Variants in KDM4D observed in about 807,000 individuals in gnomAD.
KDM4D encodes the protein lysine-specific demethylase 4D.
For missense variants in KDM4D, 427 were observed against 674.8 expected, an observed-to-expected ratio of 0.63 and a Z score of 4.07; for synonymous variants, 254 against 249.1, an observed-to-expected ratio of 1.02 and a Z score of -0.19.
chr11:94,980,841 A>G (rs1857836643), intron 2 of KDM4D, among the ~76,000 whole-genome samples: 1 of 152,136 alleles, frequency 6.6e-6, no homozygotes. Flanking sequence ...ATTTTGTCAC[A>G]TGTACAATCA....
At position 94,997,836 on chromosome 11, in the gene KDM4D, G is replaced by C; in HGVS notation, c.464G>C (p.Gly155Ala). The stretch of plus-strand genomic sequence containing the variant: ...GAAAACACTAAACAATGGAATCTTG[G>C]GCACCTGGGAACAATTCAGGACCTG... The part of the protein sequence containing the change: ...FDENTKQWNL[G>A]HLGTIQDLLE... Residue 155 changes from glycine (G) to alanine (A), a missense_variant, in exon 3 of 3, where the codon GGG (glycine) becomes GCG (alanine). By Grantham distance (60) the Gly-to-Ala change is moderately conservative. Coordinates refer to ENST00000335080, the MANE Select transcript of KDM4D (RefSeq NM_018039.3). 1 of 1,614,232 alleles carries C rather than the reference G, an allele frequency of 6.2e-7. No individual in the cohort carries two copies. The highest frequency in any genetic ancestry group is 1.3e-5 in the African/African-American group (1 of 75,048).
intron 2 of KDM4D, among the ~76,000 whole-genome samples, chr11:94,996,482 T>C (rs1204949168): frequency 2.0e-5 from 3 of 152,240 alleles, no homozygotes; most frequent in Non-Finnish European, 4.4e-5. Flanking sequence ...CTTTTCATCT[T>C]TATATAAATG....
At chr11:94,992,168 T>C (rs1176627895) in intron 2 of KDM4D, among the ~76,000 whole-genome samples, 1 of 151,782 alleles carries the variant, frequency 6.6e-6, no homozygotes, top group Admixed American at 6.6e-5. Context: ...TTTCTAAACA[T>C]GAAAAACATG....
At chr11:94,983,302 A>G (rs76132323) in intron 2 of KDM4D, among the ~76,000 whole-genome samples, 2,037 of 152,104 alleles carry the variant, frequency 0.013, 45 homozygotes, top group African/African-American at 0.045. Flanking sequence ...GTTTCTTACA[A>G]TAACACACAG....
intron 2 of KDM4D, among the ~76,000 whole-genome samples, chr11:94,979,650 A>T (rs1245585242): frequency 1.3e-5 from 2 of 152,188 alleles, no homozygotes; most frequent in Non-Finnish European, 2.9e-5. Context: ...CCTCCCACTT[A>T]ATGTGTGCTA....
At chr11:94,989,357 G>A (rs1167001026) in intron 2 of KDM4D, among the ~76,000 whole-genome samples, 1 of 152,172 alleles carries the variant, frequency 6.6e-6, no homozygotes, top group Non-Finnish European at 1.5e-5. Flanking sequence ...GGAGTGGTGT[G>A]TCCTTGTAGA....
intron 2 of KDM4D, among the ~76,000 whole-genome samples, chr11:94,989,600 C>T (rs938651908): frequency 1.3e-5 from 2 of 152,154 alleles, no homozygotes; most frequent in African/African-American, 2.4e-5. Flanking sequence ...GCTGTCCATG[C>T]CTGATACTTG....
At chr11:94,980,040 T>C (rs2134109238) in intron 2 of KDM4D, among the ~76,000 whole-genome samples, 1 of 152,340 alleles carries the variant, frequency 6.6e-6, no homozygotes, top group Admixed American at 6.5e-5. Flanking sequence ...GAATCATCTT[T>C]TCTTTATGGA....
chr11:94,976,311 A>T (rs782147645), intron 2 of KDM4D, among the ~76,000 whole-genome samples: 1 of 152,156 alleles, frequency 6.6e-6, no homozygotes, highest in Non-Finnish European at 1.5e-5. Flanking sequence ...TCAAGTCTAC[A>T]TGCCTCTTTC....
rs1470882610 is a variant in KDM4D at position 94,975,725 on chromosome 11, T to G, written c.-373T>G. On this transcript the variant is annotated 5_prime_UTR_variant, in exon 2 of 3. Transcript: ENST00000335080. ...GGTGTATCCTCTGCATATAGAACAGTGCCTGGCACATAATAGGTGCTGAGT... is the reference window on the plus strand; with the variant it reads ...GGTGTATCCTCTGCATATAGAACAGGGCCTGGCACATAATAGGTGCTGAGT... 1 of 152,150 alleles carries G rather than the reference T, an allele frequency of 6.6e-6. No individual in the cohort carries two copies. Among genetic ancestry groups the G allele is most frequent in the Non-Finnish European group, 1.5e-5 (1 of 68,034 alleles). 9.4% of individuals were successfully genotyped at this position (152,150 alleles called of 1,614,324 possible).
intron 2 of KDM4D, among the ~76,000 whole-genome samples, chr11:94,990,695 T>C (rs587741338): frequency 3.9e-5 from 6 of 152,300 alleles, no homozygotes; most frequent in Admixed American, 6.5e-5. Flanking sequence ...TGTAAACTGA[T>C]TTATCAAACA....
At chr11:94,980,518 C>T (rs1253132404) in intron 2 of KDM4D, among the ~76,000 whole-genome samples, 5 of 152,126 alleles carry the variant, frequency 3.3e-5, no homozygotes, top group Non-Finnish European at 5.9e-5. Context: ...GACATTTTTA[C>T]AATACTAAGT....
At chr11:94,985,717 A>G (rs1307516463) in intron 2 of KDM4D, among the ~76,000 whole-genome samples, 2 of 152,240 alleles carry the variant, frequency 1.3e-5, no homozygotes, top group African/African-American at 4.8e-5. Context: ...GCTAATTGCT[A>G]TAAGGATAAA....
chr11:94,993,084 T>C (rs1183315941), intron 2 of KDM4D, among the ~76,000 whole-genome samples: 2 of 152,088 alleles, frequency 1.3e-5, no homozygotes, highest in Non-Finnish European at 2.9e-5. Context: ...CTGTTAAACT[T>C]ACTCAGCTTC....
chr11:94,989,732 T>TTCTCTC (rs199925760), intron 2 of KDM4D, among the ~76,000 whole-genome samples: 3 of 142,196 alleles, frequency 2.1e-5, no homozygotes, highest in Non-Finnish European at 4.5e-5. Flanking sequence ...TTAACCTTCT[T>TTCTCTC]TCTCTCTCTC....
At position 94,998,189 on chromosome 11, in the gene KDM4D, G is replaced by A; in HGVS notation, c.817G>A (p.Val273Met). The A allele has an allele frequency of 6.2e-7, 1 of 1,614,236 alleles. No homozygotes were observed. The highest frequency in any genetic ancestry group is 8.5e-7 in the Non-Finnish European group (1 of 1,180,046). Residue 273 changes from valine (V) to methionine (M), a missense_variant, in exon 3 of 3, where the codon GTG becomes ATG. By Grantham distance (21) the Val-to-Met change is conservative (BLOSUM62 1). Coordinates refer to ENST00000335080, the MANE Select transcript of KDM4D (RefSeq NM_018039.3). The surrounding 1 kb of genome is among the most constrained non-coding windows in gnomAD (Gnocchi z 6.7). The part of the protein sequence containing the change: ...RITQEAGEFM[V>M]TFPYGYHAGF... ...AACTCAGGAGGCTGGAGAGTTCATG[G>A]TGACCTTTCCCTATGGCTACCATGC...
Position 94,999,064 on chromosome 11 carries a change from C to T in KDM4D, c.*120C>T, listed in dbSNP as rs917046515. Reference sequence around the variant, plus strand: ...GGACTCTAGGCATGCATGAAAGAGCCCCCCTGGTGATGCCCTTGGATGCTG... The same window carrying T: ...GGACTCTAGGCATGCATGAAAGAGCTCCCCTGGTGATGCCCTTGGATGCTG... On this transcript the variant is annotated 3_prime_UTR_variant, in exon 3 of 3. Coordinates refer to ENST00000335080, the MANE Select transcript of KDM4D (RefSeq NM_018039.3). 5 of 970,742 alleles carry T rather than the reference C, an allele frequency of 5.2e-6. No homozygotes were observed. The highest frequency in any genetic ancestry group is 7.1e-5 in the South Asian group (2 of 28,220). 60.1% of individuals were successfully genotyped at this position (970,742 alleles called of 1,614,324 possible). A position where few individuals can be genotyped will look rare whatever the true frequency, so the allele number is the denominator to read the frequency against.
In KDM4D at chr11:94,998,152, C is replaced by T. The variant is rs771482908; in HGVS notation, c.780C>T (p.Pro260=). 5 of 1,614,202 alleles carry T rather than the reference C, an allele frequency of 3.1e-6. No homozygotes were observed. The highest frequency in any genetic ancestry group is 1.3e-5 in the African/African-American group (1 of 75,062). Residue 260 remains proline, a synonymous_variant, in exon 3 of 3, where the codon CCC becomes CCT. Transcript: ENST00000335080. The surrounding 1 kb of genome is among the most constrained non-coding windows in gnomAD (Gnocchi z 6.7). The stretch of plus-strand genomic sequence containing the variant: ...CAGTTCTCAAGGAAAATGGGATTCC[C>T]TTCAATCGCATAACTCAGGAGGCTG... The part of the protein sequence containing the change: ...SPTVLKENGI[P]FNRITQEAGE...
chr11:94,984,719 TAGCC>T (rs1468774919), intron 2 of KDM4D, among the ~76,000 whole-genome samples: 1 of 138,884 alleles, frequency 7.2e-6, no homozygotes, highest in African/African-American at 2.7e-5. Flanking sequence ...AAAAAAAAAT[TAGCC>T]AGGCTTGGTG....
Sources: gnomAD v4.1 joint callset for allele counts (sites outside exome capture counted in the v4.1 genomes callset) on GRCh38, gnomAD v4.1.1 for gene constraint, Gnocchi (gnomAD v3.1) non-coding constraint, MANE v1.5 for transcripts, NCBI Gene and HGNC (gene_info 2026-07-23, HGNC 2026-07-21) for gene names.